The following N4BP2 variants were observed in gnomAD, a reference collection of about 807,000 sequenced individuals.
The protein encoded by N4BP2 is NEDD4-binding protein 2.
N4BP2 carries 91 observed loss-of-function variants against 152.8 expected under a neutral mutation model. The ratio of observed to expected loss-of-function variants is 0.60; its 90% CI spans 0.50 to 0.71. The LOEUF (loss-of-function observed/expected upper bound fraction) is 0.71. Among genes scored for constraint, N4BP2 ranks in the 30% least tolerant of loss-of-function variants. The pLI, the probability that N4BP2 is intolerant of heterozygous loss-of-function variation, is 0.00. For missense variants in N4BP2, 1,923 were observed against 2,059.1 expected (o/e 0.93, Z 1.28); for synonymous variants, 646 against 705.3 (o/e 0.92, Z 1.33).
At chr4:40,105,316 G>A (rs1025419683) in intron 4 of N4BP2, among the ~76,000 whole-genome samples, 4 of 149,974 alleles carry the variant, frequency 2.7e-5, no homozygotes, top group East Asian at 3.9e-4. Flanking sequence ...GTCCCAAAGT[G>A]TAGTTACAAT....
chr4:40,135,850 A>T (rs1719336457), intron 13 of N4BP2, among the ~76,000 whole-genome samples: 1 of 152,206 alleles, frequency 6.6e-6, no homozygotes, highest in Non-Finnish European at 1.5e-5. Context: ...TACAGGCGTG[A>T]GCCACCATGT....
chr4:40,188,687 A>G, the N4BP2 span, among the ~76,000 whole-genome samples: 113,556 of 148,036 alleles, frequency 0.77, 43,761 homozygotes, highest in South Asian at 0.83. Context: ...GCAGGTTGCA[A>G]TGAGCTGAGA....
At chr4:40,100,886 C>G (rs1477313168) in intron 3 of N4BP2, among the ~76,000 whole-genome samples, 1 of 152,164 alleles carries the variant, frequency 6.6e-6, no homozygotes, top group Non-Finnish European at 1.5e-5. Context: ...AAACTTCTAG[C>G]TCAAATGCTA....
In N4BP2 at chr4:40,154,679, GA is replaced by G. The variant is rs976396123; in HGVS notation, c.*449del. The G allele has an allele frequency of 6.5e-6, 1 of 153,062 alleles. No homozygotes were observed. The highest frequency in any genetic ancestry group is 2.1e-4 in the South Asian group (1 of 4,872). The allele number at this position is 153,062 out of a possible 1,614,324, so 9.5% of individuals were successfully genotyped here. ...AAAAGGACATAGTAGTGGTAGTAAA[GA>G]AAAAAAGGAGATCTAACAAAAACAC... On this transcript the variant is annotated 3_prime_UTR_variant, in exon 18 of 18. Transcript: ENST00000261435.
chr4:40,144,366 G>C (rs1168856732), intron 15 of N4BP2, among the ~76,000 whole-genome samples: 1 of 152,154 alleles, frequency 6.6e-6, no homozygotes, highest in Admixed American at 6.5e-5. Context: ...TGAGGATCGT[G>C]TTTAGTTAAG....
chr4:40,115,629 A>G (rs1717273247), intron 7 of N4BP2, among the ~76,000 whole-genome samples: 1 of 152,158 alleles, frequency 6.6e-6, no homozygotes, highest in Non-Finnish European at 1.5e-5. Context: ...CTCTTGGGTT[A>G]TGTCGTACTG....
intron 13 of N4BP2, among the ~76,000 whole-genome samples, chr4:40,135,819 G>A (rs1317663277): frequency 6.6e-6 from 1 of 151,958 alleles, no homozygotes; most frequent in African/African-American, 2.4e-5. Context: ...CACCTGCCTC[G>A]GCCTCCCAAA....
chr4:40,114,514 T>A (rs185088241), intron 7 of N4BP2, among the ~76,000 whole-genome samples: 258 of 152,350 alleles, frequency 1.7e-3, no homozygotes, highest in African/African-American at 5.8e-3. Flanking sequence ...TTCACTTAGC[T>A]TAATGTTTTT....
At chr4:40,187,336 C>T in the N4BP2 span, among the ~76,000 whole-genome samples, 2 of 151,042 alleles carry the variant, frequency 1.3e-5, no homozygotes, top group Non-Finnish European at 3.0e-5. Context: ...AATCTGTACA[C>T]ATTCTGGACA....
At chr4:40,181,011 A>T in the N4BP2 span, among the ~76,000 whole-genome samples, 2 of 152,098 alleles carry the variant, frequency 1.3e-5, no homozygotes, top group East Asian at 3.9e-4. Context: ...TTAGCCGGGC[A>T]TGGTGGCATG....
At chr4:40,091,434 T>A (rs144981511) in intron 2 of N4BP2, among the ~76,000 whole-genome samples, 13 of 152,102 alleles carry the variant, frequency 8.5e-5, no homozygotes, top group Non-Finnish European at 1.5e-4. Flanking sequence ...ATATTTTTGT[T>A]CCTGTTTTTC....
intron 2 of N4BP2, among the ~76,000 whole-genome samples, chr4:40,088,050 G>T (rs1238127459): frequency 6.6e-6 from 1 of 152,060 alleles, no homozygotes; most frequent in African/African-American, 2.4e-5. Flanking sequence ...GAGCCACCAC[G>T]CCCGGCTACG....
chr4:40,089,682 A>G (rs1193903113), intron 2 of N4BP2, among the ~76,000 whole-genome samples: 3 of 151,700 alleles, frequency 2.0e-5, no homozygotes, highest in Admixed American at 2.0e-4. Context: ...AGTGATCTGC[A>G]TGCCTCAGCC....
Position 40,144,784 on chromosome 4 carries a change from A to C in N4BP2, c.5127A>C (p.Leu1709Phe). Residue 1709 changes from leucine to phenylalanine, a missense_variant, in exon 16 of 18, where the codon TTA becomes TTC. By Grantham distance (22) the Leu-to-Phe change is conservative. Transcript: ENST00000261435. ...DEALEHLMRV[L>F]EKKTEEFKQN... is the part of the protein sequence containing the mutation. Reference sequence around the variant, plus strand: ...CTCTAGAACATTTGATGAGAGTTTTAGAGAAGAAGACTGAAGGTAGGACTG... The same window carrying C: ...CTCTAGAACATTTGATGAGAGTTTTCGAGAAGAAGACTGAAGGTAGGACTG... 3.1e-6 allele frequency: 5 copies of C among 1,611,388 alleles called. No individual in the cohort carries two copies. The highest frequency in any genetic ancestry group is 3.4e-6 in the Non-Finnish European group (4 of 1,178,910).
At chr4:40,078,438 A>G (rs183503396) in intron 2 of N4BP2, among the ~76,000 whole-genome samples, 158 of 151,488 alleles carry the variant, frequency 1.0e-3, no homozygotes, top group Non-Finnish European at 1.8e-3. Context: ...TGTCTAGCCC[A>G]ATATTCCTAA....
intron 14 of N4BP2, among the ~76,000 whole-genome samples, chr4:40,140,957 A>G (rs1313403409): frequency 1.3e-5 from 2 of 150,772 alleles, no homozygotes; most frequent in Non-Finnish European, 3.0e-5. Flanking sequence ...TTCTTAGTAC[A>G]GAACAAAATG....
chr4:40,123,146 T>TTG lies in N4BP2; in HGVS notation c.4223_4224dup (p.Val1409TrpfsTer4). The stretch of plus-strand genomic sequence containing the variant: ...CACAAGGGTCTCTAACAGTTGAAGA[T>TTG]TGTGTGGTTCATATAGATCTGAATC... On this transcript the variant is annotated frameshift_variant, in exon 10 of 18. Transcript: ENST00000261435. LOFTEE classifies it high-confidence loss of function. The TTG allele has an allele frequency of 6.2e-7, 1 of 1,610,260 alleles. No individual in the cohort carries two copies. The highest frequency in any genetic ancestry group is 8.5e-7 in the Non-Finnish European group (1 of 1,177,088).
In N4BP2 at chr4:40,082,454, C is replaced by A. The variant is rs567280460; in HGVS notation, c.-115+8903C>A. On this transcript the variant is annotated intron_variant, in intron 2 of 17. Transcript: ENST00000261435. ...AAAAGAATCCAAACAGACATTTATT[C>A]AAAAAAGTATATAAATGCCAATAAG... Among the ~76,000 whole-genome samples, 99 of 152,014 alleles carry A rather than the reference C, an allele frequency of 6.5e-4. 1 individual carries two copies. Among genetic ancestry groups the A allele is most frequent in the African/African-American group, 2.3e-3 (94 of 41,474 alleles).
chr4:40,079,158 G>C (rs2109913979), intron 2 of N4BP2, among the ~76,000 whole-genome samples: 1 of 152,144 alleles, frequency 6.6e-6, no homozygotes, highest in Admixed American at 6.6e-5. Flanking sequence ...CTGACCTCAA[G>C]TGATCCTCCT....
Sources: allele counts gnomAD v4.1 joint callset (sites outside exome capture counted in the v4.1 genomes callset), GRCh38; gene constraint gnomAD v4.1.1; transcripts MANE v1.5; gene names NCBI Gene and HGNC (gene_info 2026-07-23, HGNC 2026-07-21).